Variants in GABRB1 observed in about 807,000 individuals in gnomAD.
The protein encoded by GABRB1 is gamma-aminobutyric acid receptor subunit beta-1.
GABRB1 carries 17 observed loss-of-function variants against 51.6 expected under a neutral mutation model. That is an observed-to-expected ratio of 0.33 (90% CI 0.23 to 0.49). GABRB1 has a LOEUF of 0.49. GABRB1 is among the 20% of genes least tolerant of loss of function. GABRB1 has a pLI of 0.99. For missense variants in GABRB1, 410 were observed against 600.6 expected (o/e 0.68, Z 3.32); for synonymous variants, 247 against 218.9 (o/e 1.13, Z -1.14).
chr4:47,330,999 T>C (rs1272793452), intron 5 of GABRB1, among the ~76,000 whole-genome samples: 2 of 152,146 alleles, frequency 1.3e-5, no homozygotes, highest in Non-Finnish European at 2.9e-5. Flanking sequence ...TATTCATGGA[T>C]GCAAAACACC....
intron 3 of GABRB1, among the ~76,000 whole-genome samples, chr4:47,077,746 C>A (rs1223924159): frequency 1.3e-5 from 2 of 149,416 alleles, no homozygotes; most frequent in African/African-American, 4.9e-5. Flanking sequence ...ATTAGCTTAT[C>A]AGAGACCTGC....
intron 4 of GABRB1, among the ~76,000 whole-genome samples, chr4:47,261,941 G>A (rs575798653): frequency 0.019 from 2,813 of 151,936 alleles, 33 homozygotes; most frequent in Middle Eastern, 0.051. Flanking sequence ...AAGCAATGGG[G>A]AAAGGATTCC....
intron 5 of GABRB1, among the ~76,000 whole-genome samples, chr4:47,332,998 T>A (rs930470012): frequency 1.3e-5 from 2 of 151,060 alleles, no homozygotes; most frequent in Admixed American, 1.3e-4. Context: ...ACATTAGAAT[T>A]AAGTGCTCCA....
chr4:47,237,486 A>C (rs1560291266), intron 4 of GABRB1, among the ~76,000 whole-genome samples: 1 of 152,080 alleles, frequency 6.6e-6, no homozygotes, highest in Non-Finnish European at 1.5e-5. Context: ...AACAGAGAAA[A>C]GGAATAATTC....
In GABRB1 at chr4:47,100,767, C is replaced by T. The variant is rs1221924665; in HGVS notation, c.241-60482C>T. Among the ~76,000 whole-genome samples, 3 of 151,966 alleles carry T rather than the reference C, an allele frequency of 2.0e-5. No individual in the cohort carries two copies. The East Asian group carries it at 5.8e-4, about 29-fold the overall frequency. On this transcript the variant is annotated intron_variant, in intron 3 of 8. Transcript: ENST00000295454. ...CCCTACTCTTAGCTATGGAAATACT[C>T]ACCCGTGAGAGGTCAACTCTACCCA...
At chr4:47,006,970 C>A (rs1395366738) in intron 1 of GABRB1, among the ~76,000 whole-genome samples, 1 of 151,938 alleles carries the variant, frequency 6.6e-6, no homozygotes, top group Admixed American at 6.6e-5. Context: ...GCCTGGGCAA[C>A]ATGGCAAAGC....
intron 5 of GABRB1, among the ~76,000 whole-genome samples, chr4:47,357,901 G>A (rs1726647203): frequency 2.0e-5 from 3 of 152,046 alleles, no homozygotes; most frequent in Admixed American, 2.0e-4. Context: ...CCAAATAAAA[G>A]TCTTAACTAA....
Position 47,254,361 on chromosome 4 carries a change from G to GGTTTTTTTTTTTTTTTTTTT in GABRB1, c.462-65766_462-65765insGTTTTTTTTTTTTTTTTTTT, listed in dbSNP as rs1305298443. 2.0e-4 allele frequency among the ~76,000 whole-genome samples: 16 copies of GGTTTTTTTTTTTTTTTTTTT among 80,966 alleles called. 7 individuals are homozygous for GGTTTTTTTTTTTTTTTTTTT. Among genetic ancestry groups the GGTTTTTTTTTTTTTTTTTTT allele is most frequent in the South Asian group, 8.4e-4 (2 of 2,370 alleles). 53.1% of individuals were successfully genotyped at this position (80,966 alleles called of 152,430 possible). A position where few individuals can be genotyped will look rare whatever the true frequency, so the allele number is the denominator to read the frequency against. ...ATGGTGGATGATGTTTCTTTTCTTT[G>GGTTTTTTTTTTTTTTTTTTT]TTTTTTTTTTTTTTTTTTTTTTTTT... is the stretch of plus-strand genomic sequence containing the variant. On this transcript the variant is annotated intron_variant, in intron 4 of 8. Coordinates refer to ENST00000295454, the MANE Select transcript of GABRB1 (RefSeq NM_000812.4).
chr4:47,308,689 G>C (rs1254287715), intron 4 of GABRB1, among the ~76,000 whole-genome samples: 1 of 152,092 alleles, frequency 6.6e-6, no homozygotes, highest in African/African-American at 2.4e-5. Flanking sequence ...GGTAGTAACT[G>C]TGAAGGAGAT....
At chr4:47,048,241 C>A (rs1726185366) in intron 3 of GABRB1, among the ~76,000 whole-genome samples, 2 of 152,176 alleles carry the variant, frequency 1.3e-5, no homozygotes, top group Admixed American at 6.5e-5. Context: ...AATGACAAGG[C>A]CCTGGGCTAG....
At chr4:47,069,958 C>G (rs906528307) in intron 3 of GABRB1, among the ~76,000 whole-genome samples, 6 of 152,082 alleles carry the variant, frequency 3.9e-5, no homozygotes, top group African/African-American at 1.2e-4. Flanking sequence ...GTTGCTACCC[C>G]TAATGGTCAT....
At chr4:47,174,893 CTTCCTTCCTTCCTTCT>C (rs1327108174) in intron 4 of GABRB1, among the ~76,000 whole-genome samples, 10 of 136,094 alleles carry the variant, frequency 7.3e-5, no homozygotes, top group Admixed American at 6.2e-4. Flanking sequence ...TCCTTCTTTC[CTTCCTTCCTTCCTTCT>C]TTCCTTCCTT....
intron 4 of GABRB1, among the ~76,000 whole-genome samples, chr4:47,293,435 G>A (rs1449184094): frequency 1.3e-5 from 2 of 152,068 alleles, no homozygotes; most frequent in Middle Eastern, 3.2e-3. Flanking sequence ...CACCGTGCCT[G>A]GCCCTAAGCA....
chr4:47,067,066 T>A lies in GABRB1; in HGVS notation c.240+34582T>A, dbSNP rs116604100. 8.1e-3 allele frequency among the ~76,000 whole-genome samples: 1,229 copies of A among 152,298 alleles called. 13 individuals carry two copies. Among genetic ancestry groups the A allele is most frequent in the African/African-American group, 0.027 (1,122 of 41,562 alleles). ...AAAACAGCATCAGTTTCCTCTTACA[T>A]CTCCATCAGAACTCTTGGGTGACCA... On this transcript the variant is annotated intron_variant, in intron 3 of 8. Coordinates refer to ENST00000295454, the MANE Select transcript of GABRB1 (RefSeq NM_000812.4).
chr4:47,403,232 G>T, intron 5 of GABRB1, 86 bp from the exon 6 acceptor site: 1 of 1,471,810 alleles, frequency 6.8e-7, no homozygotes, highest in South Asian at 1.2e-5. Flanking sequence ...CCACTTTTGT[G>T]CTGGGAATTT....
At chr4:47,333,022 A>ATC (rs1419426507) in intron 5 of GABRB1, among the ~76,000 whole-genome samples, 1 of 150,552 alleles carries the variant, frequency 6.6e-6, no homozygotes, top group Non-Finnish European at 1.5e-5. Context: ...TAATATTCAA[A>ATC]TCTATGTAAT....
At chr4:47,415,452 T>C (rs752400630) in intron 8 of GABRB1, among the ~76,000 whole-genome samples, 34 of 152,308 alleles carry the variant, frequency 2.2e-4, no homozygotes, top group Admixed American at 5.9e-4. Flanking sequence ...TTATTTCTTA[T>C]ACCCCATAGT....
At chr4:47,071,723 C>A (rs1462116499) in intron 3 of GABRB1, among the ~76,000 whole-genome samples, 1 of 145,024 alleles carries the variant, frequency 6.9e-6, no homozygotes, top group Non-Finnish European at 1.5e-5. Context: ...CTATTTGGTT[C>A]TCTAATTTAT....
chr4:47,283,055 T>A (rs1723350802), intron 4 of GABRB1, among the ~76,000 whole-genome samples: 1 of 152,198 alleles, frequency 6.6e-6, no homozygotes, highest in African/African-American at 2.4e-5. Context: ...AGTTTTGTAA[T>A]CACTGTTTGG....
Sources: gnomAD v4.1 joint callset for allele counts (sites outside exome capture counted in the v4.1 genomes callset) on GRCh38, gnomAD v4.1.1 for gene constraint, MANE v1.5 for transcripts, NCBI Gene and HGNC (gene_info 2026-07-23, HGNC 2026-07-21) for gene names.